Variants in CDH1 observed in about 807,000 individuals in gnomAD.
CDH1 encodes the protein cadherin 1.
CDH1 carries 35 observed loss-of-function variants against 84.5 expected under a neutral mutation model. The observed-to-expected ratio is 0.41, with a 90% CI of 0.32 to 0.55. CDH1 has a LOEUF of 0.55. CDH1 is among the 20% of genes least tolerant of loss of function. The pLI, the probability that CDH1 is intolerant of heterozygous loss-of-function variation, is 0.19. For missense variants in CDH1, 994 were observed against 1,126.6 expected (o/e 0.88, Z 1.68); for synonymous variants, 417 against 439.0 (o/e 0.95, Z 0.63).
chr16:68,755,420 T>A (rs1371836736), intron 2 of CDH1, among the ~76,000 whole-genome samples: 2 of 152,114 alleles, frequency 1.3e-5, no homozygotes, highest in Non-Finnish European at 2.9e-5. Flanking sequence ...AAATTTTTTG[T>A]TAAAATAAAT....
intron 2 of CDH1, among the ~76,000 whole-genome samples, chr16:68,772,296 C>T (rs955624836): frequency 2.6e-5 from 4 of 152,172 alleles, no homozygotes; most frequent in East Asian, 1.9e-4. Flanking sequence ...CATGGAAGGG[C>T]GGGGCTCCAT....
Position 68,817,848 on chromosome 16 carries a change from G to A in CDH1, c.1566-1432G>A, listed in dbSNP as rs36095764. On this transcript the variant is annotated intron_variant, in intron 10 of 15. Transcript: ENST00000261769. ...TATTGGATCCTGAATCCAGAAGGGT[G>A]CAAGGTTGCTATAAAGGACATTTTT... is the stretch of plus-strand genomic sequence containing the variant. 4.0e-3 allele frequency among the ~76,000 whole-genome samples: 613 copies of A among 152,282 alleles called. 5 individuals are homozygous for A. Among genetic ancestry groups the A allele is most frequent in the African/African-American group, 0.014 (562 of 41,572 alleles).
At chr16:68,759,621 C>A (rs1002283728) in intron 2 of CDH1, among the ~76,000 whole-genome samples, 1 of 151,836 alleles carries the variant, frequency 6.6e-6, no homozygotes, top group African/African-American at 2.4e-5. Context: ...TCCCAAGTAG[C>A]TGGGATTACA....
At chr16:68,788,192 G>C (rs1425832614) in intron 2 of CDH1, among the ~76,000 whole-genome samples, 2 of 151,982 alleles carry the variant, frequency 1.3e-5, no homozygotes, top group African/African-American at 2.4e-5. Flanking sequence ...TGGCATTTTT[G>C]GGTGCCTGGA....
chr16:68,833,443 TG>T lies in CDH1; in HGVS notation c.2597del (p.Gly866AlafsTer64), dbSNP rs2152144159. On this transcript the variant is annotated frameshift_variant, in exon 16 of 16. Transcript: ENST00000261769. LOFTEE classifies it high-confidence loss of function. ...KDQDYDYLNE[W>X]GNRFKKLADM... ...CCAGGACTATGACTACTTGAACGAA[TG>T]GGGCAATCGCTTCAAGAAGCTGGCT... The T allele has an allele frequency of 6.2e-7, 1 of 1,614,124 alleles. No individual in the cohort carries two copies. Among genetic ancestry groups the T allele is most frequent in the Non-Finnish European group, 8.5e-7 (1 of 1,180,028 alleles).
In CDH1 at chr16:68,750,708, G is replaced by T. The variant is rs1038132888; in HGVS notation, c.163+12297G>T. Among the ~76,000 whole-genome samples the T allele has an allele frequency of 3.5e-3, 475 of 137,002 alleles. 7 individuals carry two copies. The highest frequency in any genetic ancestry group is 0.012 in the African/African-American group (432 of 37,276). 89.9% of individuals were successfully genotyped at this position (137,002 alleles called of 152,430 possible). ...CGCCTGTACACCTTCTTTCTCCTTG[G>T]TTTTTTTTTTTTTTTTTTAAGACAG... On this transcript the variant is annotated intron_variant, in intron 2 of 15. Transcript: ENST00000261769.
At chr16:68,819,090 A>G (rs1961065824) in intron 10 of CDH1, among the ~76,000 whole-genome samples, 190 bp from the exon 11 acceptor site, 1 of 152,136 alleles carries the variant, frequency 6.6e-6, no homozygotes, top group African/African-American at 2.4e-5. Context: ...CCCTGACCTC[A>G]GGTGATCTGC....
At chr16:68,763,485 C>G (rs537846226) in intron 2 of CDH1, 6 of 152,258 alleles carry the variant, frequency 3.9e-5, no homozygotes, top group Non-Finnish European at 8.8e-5. Flanking sequence ...GAGAGAGGAA[C>G]AGCCGGCTTG....
intron 2 of CDH1, among the ~76,000 whole-genome samples, chr16:68,764,766 T>C (rs1406604130): frequency 6.6e-6 from 1 of 152,158 alleles, no homozygotes; most frequent in East Asian, 1.9e-4. Flanking sequence ...GAGGAGACCT[T>C]AGGTGGCCAG....
At position 68,813,317 on chromosome 16, in the gene CDH1, A is replaced by G. The variant is rs780867132; in HGVS notation, c.1142A>G (p.Lys381Arg). ...NPPIFNPTTYKGQVPENEANV... is the reference protein window; with the variant it reads ...NPPIFNPTTYRGQVPENEANV... ...ACACATCTCTTTGCTCTGCAGTACA[A>G]GGGTCAGGTGCCTGAGAACGAGGCT... Residue 381 changes from lysine (K) to arginine (R), a missense_variant, in exon 9 of 16, where the codon AAG becomes AGG. Around this residue, in one of 3 missense-constraint regions of CDH1, gnomAD observed 769 missense variants for 881.8 expected, o/e 0.87. Transcript: ENST00000261769. 1 of 1,614,132 alleles carries G rather than the reference A, an allele frequency of 6.2e-7. No homozygotes were observed. Among genetic ancestry groups the G allele is most frequent in the Non-Finnish European group, 8.5e-7 (1 of 1,179,994 alleles).
At position 68,811,671 on chromosome 16, in the gene CDH1, T is replaced by G. The variant is rs751112354; in HGVS notation, c.833-13T>G. Reference sequence around the variant, plus strand: ...CAGCTTGTCTAAACCTTCATCTCCTTGAACTCTTCCAGGAACCTCTGTGAT... The same window carrying G: ...CAGCTTGTCTAAACCTTCATCTCCTGGAACTCTTCCAGGAACCTCTGTGAT... On this transcript the variant is annotated splice_polypyrimidine_tract_variant and intron_variant, in intron 6 of 15. Transcript: ENST00000261769. 1 of 1,613,208 alleles carries G rather than the reference T, an allele frequency of 6.2e-7. No individual in the cohort carries two copies. The highest frequency in any genetic ancestry group is 1.1e-5 in the South Asian group (1 of 91,064).
chr16:68,808,453 G>A lies in CDH1; in HGVS notation c.417G>A (p.Leu139=), dbSNP rs1057521858. 6.2e-7 allele frequency: 1 copy of A among 1,614,082 alleles called. No individual in the cohort carries two copies. The change falls in exon 4 of 16, where the codon TTG becomes TTA. Residue 139 remains leucine (L), a synonymous_variant. Transcript: ENST00000261769. ...CCGTTTCTGGAATCCAAGCAGAATT[G>A]CTCACATTTCCCAACTCCTCTCCTG... ...QASVSGIQAE[L]LTFPNSSPGL...
intron 2 of CDH1, among the ~76,000 whole-genome samples, chr16:68,791,227 G>A (rs770555220): frequency 6.6e-6 from 1 of 152,074 alleles, no homozygotes; most frequent in African/African-American, 2.4e-5. Context: ...CCGCACTGCC[G>A]CCTGCTCTCT....
At position 68,743,994 on chromosome 16, in the gene CDH1, C is replaced by T. The variant is rs796263177; in HGVS notation, c.163+5583C>T. 6.6e-5 allele frequency among the ~76,000 whole-genome samples: 10 copies of T among 152,212 alleles called. 1 individual carries two copies. The highest frequency in any genetic ancestry group is 2.4e-4 in the African/African-American group (10 of 41,510). Reference sequence around the variant, plus strand: ...GACCCTGAGGTTACGGCAGATTGGACGGAACATACATGCCAATGGGCAGGA... The same window carrying T: ...GACCCTGAGGTTACGGCAGATTGGATGGAACATACATGCCAATGGGCAGGA... On this transcript the variant is annotated intron_variant, in intron 2 of 15. Transcript: ENST00000261769.
chr16:68,835,306 GAAA>G lies in CDH1; in HGVS notation c.*1812_*1814del, dbSNP rs1285270456. ...TTTACTGTTTCTCAAGTGTTTTGGA[GAAA>G]AAAATCAACCCTGCAATCACTTTTT... On this transcript the variant is annotated 3_prime_UTR_variant, in exon 16 of 16. Transcript: ENST00000261769. The G allele has an allele frequency of 4.4e-6, 1 of 225,484 alleles. No homozygotes were observed. Among genetic ancestry groups the G allele is most frequent in the East Asian group, 6.4e-5 (1 of 15,654 alleles). 14.0% of individuals were successfully genotyped at this position (225,484 alleles called of 1,614,324 possible).
intron 2 of CDH1, among the ~76,000 whole-genome samples, chr16:68,784,406 T>A (rs1477828048): frequency 6.6e-6 from 1 of 152,080 alleles, no homozygotes; most frequent in Non-Finnish European, 1.5e-5. Flanking sequence ...ATCCAGCATT[T>A]TTTTTTTGCT....
chr16:68,800,053 A>T (rs909592519), intron 2 of CDH1, among the ~76,000 whole-genome samples: 3 of 151,152 alleles, frequency 2.0e-5, no homozygotes, highest in African/African-American at 7.3e-5. Context: ...AAAAAAACCA[A>T]GGTTGGCTGG....
chr16:68,789,282 C>T (rs941877352), intron 2 of CDH1, among the ~76,000 whole-genome samples: 4 of 152,078 alleles, frequency 2.6e-5, no homozygotes, highest in African/African-American at 9.7e-5. Context: ...CCGCCCACTT[C>T]AGCCTCCCCA....
intron 3 of CDH1, 66 bp downstream of exon 3, chr16:68,801,959 G>A: frequency 7.5e-7 from 1 of 1,324,566 alleles, no homozygotes; most frequent in Non-Finnish European, 1.1e-6. Context: ...AGGTTTCTCA[G>A]CCTTGGTACC....
Sources: gnomAD v4.1 joint callset for allele counts (sites outside exome capture counted in the v4.1 genomes callset) on GRCh38, gnomAD v4.1.1 for gene constraint, gnomAD v4.1.1 regional missense constraint, MANE v1.5 for transcripts, NCBI Gene and HGNC (gene_info 2026-07-23, HGNC 2026-07-21) for gene names.